Variants in NUP214 observed in about 807,000 individuals in gnomAD.
The protein encoded by NUP214 is nuclear pore complex protein Nup214.
NUP214 carries 79 observed loss-of-function variants against 196.2 expected under a neutral mutation model. The observed-to-expected ratio is 0.40, with a 90% CI of 0.34 to 0.49. The LOEUF (loss-of-function observed/expected upper bound fraction) is 0.49. Among genes scored for constraint, NUP214 ranks in the 20% least tolerant of loss-of-function variants. The probability of loss-of-function intolerance (pLI) is 0.58; values close to 1 mark genes in which losing one functional copy is unlikely to be tolerated. For missense variants in NUP214, 2,468 were observed against 2,539.0 expected (o/e 0.97, Z 0.60); for synonymous variants, 1,020 against 990.5 (o/e 1.03, Z -0.56).
At chr9:131,169,625 C>T (rs950508983) in intron 21 of NUP214, among the ~76,000 whole-genome samples, 43 of 152,312 alleles carry the variant, frequency 2.8e-4, no homozygotes, top group Admixed American at 2.7e-3. Flanking sequence ...AACATTTCAT[C>T]ATTGCAGAAA....
In NUP214 at chr9:131,175,178, G is replaced by T. The variant is rs1406020560; in HGVS notation, c.3158-282G>T. Among the ~76,000 whole-genome samples, 4 of 152,164 alleles carry T rather than the reference G, an allele frequency of 2.6e-5. No individual in the cohort carries two copies. The East Asian group carries it at 7.7e-4, about 29-fold the overall frequency. ...CCAGTGTTAGGTACTAGAATGAAGA[G>T]AATTTGTGAGAGGGGATCAGGGAAT... On this transcript the variant is annotated intron_variant, in intron 22 of 35. Transcript: ENST00000359428.
chr9:131,198,842 C>G lies in NUP214; in HGVS notation c.5348C>G (p.Ser1783Cys), dbSNP rs1833869713. 6.2e-7 allele frequency: 1 copy of G among 1,614,182 alleles called. No homozygotes were observed. Among genetic ancestry groups the G allele is most frequent in the East Asian group, 2.2e-5 (1 of 44,888 alleles). Reference protein sequence around the residue: ...GAASSTSSSSSFSFGQSSPNT... With the variant: ...GAASSTSSSSCFSFGQSSPNT... ...GCCTCAAGTACCAGTAGCTCCAGTT[C>G]CTTCTCATTTGGACAGTCTTCTCCC... Residue 1783 changes from serine (S) to cysteine (C), a missense_variant, in exon 29 of 36, where the codon TCC (serine) becomes TGC (cysteine). Around this residue, in one of 5 missense-constraint regions of NUP214, gnomAD observed 1,801 missense variants for 1,779.4 expected, o/e 1.01. Coordinates refer to ENST00000359428, the MANE Select transcript of NUP214 (RefSeq NM_005085.4).
At chr9:131,202,807 A>G (rs183708084) in intron 30 of NUP214, among the ~76,000 whole-genome samples, 16 of 152,064 alleles carry the variant, frequency 1.1e-4, no homozygotes, top group Middle Eastern at 3.4e-3. Context: ...CAACATATAT[A>G]TCCCCTCTGC....
chr9:131,156,752 T>C (rs1832462800), intron 17 of NUP214, among the ~76,000 whole-genome samples: 1 of 152,148 alleles, frequency 6.6e-6, no homozygotes, highest in Non-Finnish European at 1.5e-5. Flanking sequence ...GTTTTTTAGG[T>C]ACATGATCAT....
At chr9:131,162,763 C>T (rs1317662651) in intron 18 of NUP214, 11 of 527,252 alleles carry the variant, frequency 2.1e-5, no homozygotes, top group Admixed American at 3.6e-5. Context: ...TCCTTTGCTA[C>T]AGGACTGGCC....
chr9:131,229,701 G>A, intron 33 of NUP214: 1 of 518,898 alleles, frequency 1.9e-6, no homozygotes, highest in Non-Finnish European at 3.8e-6. Context: ...CTGAAGGGCA[G>A]GCTGTTGCTG....
Position 131,144,721 on chromosome 9 carries a change from C to T in NUP214, c.1736C>T (p.Ser579Leu), listed in dbSNP as rs555555859. Residue 579 changes from serine to leucine, a missense_variant, in exon 12 of 36, where the codon TCA (serine) becomes TTA (leucine). Physicochemically the swap from Ser to Leu is moderately radical, Grantham distance 145 (BLOSUM62 -2). Coordinates refer to ENST00000359428, the MANE Select transcript of NUP214 (RefSeq NM_005085.4). ...NIAMKPSFPP[S>L]TSAVKVNLSE... ...GCAATGAAGCCCTCCTTCCCACCCT[C>T]AACCTCTGCTGTCAAAGTCAACCTT... 5 of 1,611,440 alleles carry T rather than the reference C, an allele frequency of 3.1e-6. No homozygotes were observed. The African/African-American group carries it at 6.7e-5, about 21-fold the overall frequency.
rs780800291 is a variant in NUP214, at chr9:131,140,538, T to G, written c.1133-11T>G. The G allele has an allele frequency of 7.5e-6, 12 of 1,592,518 alleles. 1 individual carries two copies. On this transcript the variant is annotated splice_polypyrimidine_tract_variant and intron_variant, in intron 10 of 35. Coordinates refer to ENST00000359428, the MANE Select transcript of NUP214 (RefSeq NM_005085.4). ...ACTTGGTTTTTTTATTTTTGTTTTCTTTTTTAACAGGTGATGAAAAGACTC... is the reference window on the plus strand; with the variant it reads ...ACTTGGTTTTTTTATTTTTGTTTTCGTTTTTAACAGGTGATGAAAAGACTC...
rs1485284877 is a variant in NUP214 at position 131,193,623 on chromosome 9, C to CCTTTT, written c.3659+1337_3659+1341dup. ...TCTTCTGTGAAATGATATTCTTCTT[C>CCTTTT]CTTTTCTTTTTTTTTTTTTTTTTTT... is the stretch of plus-strand genomic sequence containing the variant. On this transcript the variant is annotated intron_variant, in intron 27 of 35. Coordinates refer to ENST00000359428, the MANE Select transcript of NUP214 (RefSeq NM_005085.4). Among the ~76,000 whole-genome samples, 35 of 24,200 alleles carry CCTTTT rather than the reference C, an allele frequency of 1.4e-3. 1 individual carries two copies. Among genetic ancestry groups the CCTTTT allele is most frequent in the Non-Finnish European group, 2.3e-3 (20 of 8,714 alleles). 15.9% of individuals were successfully genotyped at this position (24,200 alleles called of 152,430 possible). A position where few individuals can be genotyped will look rare whatever the true frequency, so the allele number is the denominator to read the frequency against.
chr9:131,202,624 G>A (rs1002233474), intron 30 of NUP214, among the ~76,000 whole-genome samples: 5 of 150,432 alleles, frequency 3.3e-5, no homozygotes, highest in East Asian at 3.9e-4. Context: ...TGGTTGAGAC[G>A]GGGTTTTGCC....
At chr9:131,135,837 T>C (rs1027193954) in intron 8 of NUP214, 103 bp from the exon 9 acceptor site, 1 of 802,834 alleles carries the variant, frequency 1.2e-6, no homozygotes, top group Non-Finnish European at 2.1e-6. Context: ...TACTCTCTCT[T>C]TGACATGTGG....
At chr9:131,202,533 C>G (rs1458384287) in intron 30 of NUP214, among the ~76,000 whole-genome samples, 2 of 152,084 alleles carry the variant, frequency 1.3e-5, no homozygotes, top group Non-Finnish European at 2.9e-5. Flanking sequence ...AAGTCATCCT[C>G]CCACCTCAGT....
At chr9:131,126,785 C>T (rs1242812011) in intron 1 of NUP214, among the ~76,000 whole-genome samples, 2 of 151,950 alleles carry the variant, frequency 1.3e-5, no homozygotes. Context: ...CCTGACCTAA[C>T]GTGATCCGCC....
At chr9:131,225,361 G>A (rs1029636493) in intron 32 of NUP214, among the ~76,000 whole-genome samples, 9 of 152,262 alleles carry the variant, frequency 5.9e-5, no homozygotes, top group Non-Finnish European at 1.2e-4. Context: ...AGAGATTGCA[G>A]TGAGCCAAGA....
intron 28 of NUP214, among the ~76,000 whole-genome samples, chr9:131,196,555 G>C (rs921284650): frequency 1.3e-5 from 2 of 152,204 alleles, no homozygotes; most frequent in African/African-American, 4.8e-5. Flanking sequence ...GCACAATGAA[G>C]GTAGGTATTG....
chr9:131,139,412 G>T lies in NUP214; in HGVS notation c.1132+5G>T. ...ACCAAGTGGAAATCACCATCAGTAA[G>T]TGTAGCCTGGTAGTTAGTGCAGAAA... On this transcript the variant is annotated splice_donor_5th_base_variant and intron_variant, in intron 10 of 35. Transcript: ENST00000359428. 6.2e-7 allele frequency: 1 copy of T among 1,602,838 alleles called. No individual in the cohort carries two copies. The highest frequency in any genetic ancestry group is 8.5e-7 in the Non-Finnish European group (1 of 1,176,582).
At chr9:131,141,236 T>G (rs1369862226) in intron 11 of NUP214, among the ~76,000 whole-genome samples, 1 of 152,020 alleles carries the variant, frequency 6.6e-6, no homozygotes, top group African/African-American at 2.4e-5. Context: ...GTCTAAATGG[T>G]GGTTATTTCT....
At chr9:131,217,875 G>A (rs139571326) in intron 31 of NUP214, among the ~76,000 whole-genome samples, 5 of 152,186 alleles carry the variant, frequency 3.3e-5, no homozygotes, top group South Asian at 2.1e-4. Flanking sequence ...TGGTTTGCAC[G>A]GACACATGAG....
At chr9:131,127,870 G>C in intron 2 of NUP214, 151 bp downstream of exon 2, 1 of 621,296 alleles carries the variant, frequency 1.6e-6, no homozygotes, top group Non-Finnish European at 2.8e-6. Context: ...AGCCTTTCTA[G>C]GTTTTCTCCT....
Sources: gnomAD v4.1 joint callset for allele counts (sites outside exome capture counted in the v4.1 genomes callset) on GRCh38, gnomAD v4.1.1 for gene constraint, gnomAD v4.1.1 regional missense constraint, MANE v1.5 for transcripts, NCBI Gene and HGNC (gene_info 2026-07-23, HGNC 2026-07-21) for gene names.